Variants in ATL1 observed in about 807,000 individuals in gnomAD.
ATL1 encodes the protein atlastin GTPase 1.
A neutral mutation model predicts 75.5 loss-of-function variants in ATL1; 31 were observed. That is an observed-to-expected ratio of 0.41 (90% CI 0.31 to 0.55). The LOEUF (loss-of-function observed/expected upper bound fraction) is 0.55. Among genes scored for constraint, ATL1 ranks in the 20% least tolerant of loss-of-function variants. The pLI, the probability that ATL1 is intolerant of heterozygous loss-of-function variation, is 0.27. For synonymous variants in ATL1, 226 were observed against 233.3 expected, an observed-to-expected ratio of 0.97 and a Z score of 0.28; for missense variants, 405 against 662.6, an observed-to-expected ratio of 0.61 and a Z score of 4.27.
chr14:50,616,232 C>T (rs1355347935), intron 8 of ATL1, among the ~76,000 whole-genome samples: 1 of 152,062 alleles, frequency 6.6e-6, no homozygotes, highest in Non-Finnish European at 1.5e-5. Flanking sequence ...CTTCTGGGTT[C>T]AATCAATCCT....
At chr14:50,581,004 A>G (rs1251600904) in intron 1 of ATL1, among the ~76,000 whole-genome samples, 30 of 151,948 alleles carry the variant, frequency 2.0e-4, no homozygotes, top group Admixed American at 2.0e-3. Flanking sequence ...TCCCCATATT[A>G]TTTTAAAAAA....
At chr14:50,540,781 T>C (rs976583000) in intron 1 of ATL1, among the ~76,000 whole-genome samples, 3 of 152,216 alleles carry the variant, frequency 2.0e-5, no homozygotes, top group African/African-American at 7.2e-5. Context: ...GGAGCTATTA[T>C]GATAGGTAGG....
intron 6 of ATL1, among the ~76,000 whole-genome samples, chr14:50,611,566 T>C (rs2039366847): frequency 6.6e-6 from 1 of 152,006 alleles, no homozygotes; most frequent in Non-Finnish European, 1.5e-5. Flanking sequence ...GTGAAACATA[T>C]ATTTAAAAAG....
In ATL1 at chr14:50,560,741, G is replaced by T. The variant is rs376609718; in HGVS notation, c.34+442G>T. On this transcript the variant is annotated intron_variant, in intron 1 of 13. Transcript: ENST00000358385. ...CAAGCCCCAACCCCCCTCCCCGGGAGCCGCCAACTCGCTGGCTCTGCAGGG... is the reference window on the plus strand; with the variant it reads ...CAAGCCCCAACCCCCCTCCCCGGGATCCGCCAACTCGCTGGCTCTGCAGGG... Among the ~76,000 whole-genome samples the T allele has an allele frequency of 5.9e-4, 90 of 152,324 alleles. 1 individual carries two copies. The East Asian group carries it at 0.012, about 21-fold the overall frequency.
In ATL1 at chr14:50,632,247, A is replaced by G; in HGVS notation, c.1585A>G (p.Ser529Gly). 2 of 1,612,632 alleles carry G rather than the reference A, an allele frequency of 1.2e-6. No individual in the cohort carries two copies. The highest frequency in any genetic ancestry group is 1.7e-6 in the Non-Finnish European group (2 of 1,179,040). ...ATTCTAGGCTTTGTACAAGCTTTACAGTGCAGCAGCAACCCACAGACATCT... is the reference window on the plus strand; with the variant it reads ...ATTCTAGGCTTTGTACAAGCTTTACGGTGCAGCAGCAACCCACAGACATCT... ...STNEALYKLY[S>G]AAATHRHLYH... Residue 529 changes from serine (S) to glycine (G), a missense_variant, in exon 14 of 14, where the codon AGT becomes GGT. Transcript: ENST00000358385.
intron 13 of ATL1, chr14:50,630,854 A>G: frequency 2.5e-6 from 1 of 393,000 alleles, no homozygotes; most frequent in Admixed American, 3.4e-5. Flanking sequence ...AATATAAGAG[A>G]ATTAGAATTA....
chr14:50,587,258 G>A (rs934192932), intron 1 of ATL1, among the ~76,000 whole-genome samples: 1 of 152,170 alleles, frequency 6.6e-6, no homozygotes, highest in Non-Finnish European at 1.5e-5. Flanking sequence ...TGACTCAGCA[G>A]ACAGAGACAT....
At chr14:50,618,930 G>A (rs1338507328) in intron 8 of ATL1, among the ~76,000 whole-genome samples, 4 of 150,956 alleles carry the variant, frequency 2.6e-5, no homozygotes, top group South Asian at 4.2e-4. Flanking sequence ...TTGCTCTGTC[G>A]CACAGGCTGG....
intron 1 of ATL1, among the ~76,000 whole-genome samples, chr14:50,544,527 CAG>C (rs960244733): frequency 2.0e-5 from 3 of 152,194 alleles, no homozygotes; most frequent in African/African-American, 7.2e-5. Flanking sequence ...TTGCTATTAA[CAG>C]GGTACACAAG....
At chr14:50,626,282 C>G (rs1392054697) in intron 11 of ATL1, among the ~76,000 whole-genome samples, 1 of 152,190 alleles carries the variant, frequency 6.6e-6, no homozygotes, top group Non-Finnish European at 1.5e-5. Flanking sequence ...ACATTGAAAA[C>G]CTTCCAGGAG....
intron 1 of ATL1, among the ~76,000 whole-genome samples, chr14:50,542,269 C>CG (rs1369493351): frequency 3.4e-5 from 1 of 29,018 alleles, no homozygotes; most frequent in East Asian, 1.1e-3. Flanking sequence ...CATCACACAC[C>CG]GGGGGCCTGT....
chr14:50,595,768 G>A (rs761219399), intron 6 of ATL1, 136 bp downstream of exon 6: 5 of 739,412 alleles, frequency 6.8e-6, no homozygotes, highest in Non-Finnish European at 1.1e-5. Flanking sequence ...TATGCTATTT[G>A]ATGCAATATA....
intron 11 of ATL1, among the ~76,000 whole-genome samples, chr14:50,624,575 G>A (rs1283598924): frequency 1.3e-5 from 2 of 151,922 alleles, no homozygotes; most frequent in African/African-American, 4.8e-5. Flanking sequence ...ATTGAAAATA[G>A]GCCAATTAAT....
intron 9 of ATL1, 53 bp from the exon 10 acceptor site, chr14:50,621,790 G>C (rs889069270): frequency 9.0e-7 from 1 of 1,114,166 alleles, no homozygotes; most frequent in African/African-American, 1.5e-5. Context: ...CATAGAATTA[G>C]AGGAAATATT....
intron 13 of ATL1, among the ~76,000 whole-genome samples, chr14:50,630,518 A>G (rs1405616478): frequency 6.6e-6 from 1 of 152,184 alleles, no homozygotes; most frequent in East Asian, 1.9e-4. Context: ...ATTAGTGTTC[A>G]TTTCTCCTAC....
chr14:50,619,457 C>A (rs938127163), intron 8 of ATL1, among the ~76,000 whole-genome samples: 1 of 152,168 alleles, frequency 6.6e-6, no homozygotes, highest in Non-Finnish European at 1.5e-5. Flanking sequence ...CCTGCCTCGG[C>A]CTCCCAAAGT....
upstream of ATL1, chr14:50,559,945 T>G: frequency 2.3e-6 from 1 of 436,378 alleles, no homozygotes; most frequent in Non-Finnish European, 4.2e-6. Flanking sequence ...GGGGTGCTGT[T>G]TATTTGTTTG....
chr14:50,555,581 G>A (rs2038756329), upstream of ATL1, among the ~76,000 whole-genome samples: 1 of 152,216 alleles, frequency 6.6e-6, no homozygotes, highest in South Asian at 2.1e-4. Flanking sequence ...ACCGTGGCCA[G>A]CCAGTTCCTT....
At chr14:50,567,875 AT>A (rs1206852173) in intron 1 of ATL1, among the ~76,000 whole-genome samples, 1 of 152,200 alleles carries the variant, frequency 6.6e-6, no homozygotes, top group Non-Finnish European at 1.5e-5. Context: ...TCTTTTTAAA[AT>A]GTATTGAGAC....
Sources: gnomAD v4.1 joint callset for allele counts (sites outside exome capture counted in the v4.1 genomes callset) on GRCh38, gnomAD v4.1.1 for gene constraint, MANE v1.5 for transcripts, NCBI Gene and HGNC (gene_info 2026-07-23, HGNC 2026-07-21) for gene names.